Variants in FHIP1B observed in about 807,000 individuals in gnomAD.
FHIP1B encodes the protein FHF complex subunit HOOK interacting protein 1B.
A neutral mutation model predicts 82.2 loss-of-function variants in FHIP1B; 28 were observed. The ratio of observed to expected loss-of-function variants is 0.34; its 90% confidence interval spans 0.25 to 0.47. FHIP1B has a LOEUF of 0.47. Ranked by LOEUF, FHIP1B falls within the 20% of genes least tolerant of loss-of-function variation. The probability of loss-of-function intolerance (pLI) is 1.00; values close to 1 mark genes in which losing one functional copy is unlikely to be tolerated. For synonymous variants in FHIP1B, 585 were observed against 516.1 expected, an observed-to-expected ratio of 1.13 and a Z score of -1.81; for missense variants, 1,110 against 1,262.6, an observed-to-expected ratio of 0.88 and a Z score of 1.83.
chr11:6,226,803 G>A (rs570822076), intron 1 of FHIP1B, among the ~76,000 whole-genome samples: 1 of 152,096 alleles, frequency 6.6e-6, no homozygotes, highest in South Asian at 2.1e-4. Flanking sequence ...AAACAAAGGA[G>A]GTTTTTAAAC....
In FHIP1B at chr11:6,217,909, A is replaced by G. The variant is rs11040809; in HGVS notation, c.1677T>C (p.Arg559=). 363,503 of 1,612,654 alleles carry G rather than the reference A, an allele frequency of 0.23. 44,682 individuals carry two copies. Among genetic ancestry groups the G allele is most frequent in the Non-Finnish European group, 0.25 (296,340 of 1,179,950 alleles). ...DNYLEYLREA[R]RGVDRCVRAC... ...CTCGGACACAGCGGTCCACACCACG[A>G]CGTGCCTCACGCAGATACTCCAGGT... Residue 559 remains arginine, a synonymous_variant, in exon 9 of 12, where the codon CGT becomes CGC. Transcript: ENST00000449352.
intron 9 of FHIP1B, 59 bp downstream of exon 9, chr11:6,217,312 A>G: frequency 2.6e-6 from 4 of 1,510,838 alleles, no homozygotes; most frequent in Non-Finnish European, 3.7e-6. Context: ...AACCAGCACA[A>G]ACATGTCGAG....
intron 11 of FHIP1B, among the ~76,000 whole-genome samples, chr11:6,212,437 C>G (rs1847098990): frequency 6.6e-6 from 1 of 152,192 alleles, no homozygotes; most frequent in South Asian, 2.1e-4. Context: ...AATTATAGTT[C>G]AGTGACAATT....
chr11:6,213,448 T>C (rs965042812), intron 11 of FHIP1B, among the ~76,000 whole-genome samples: 10 of 152,226 alleles, frequency 6.6e-5, no homozygotes, highest in African/African-American at 2.4e-4. Context: ...AATCTTTTTC[T>C]ATTGCTCTCA....
chr11:6,230,384 T>C lies in FHIP1B; in HGVS notation c.-192+4160A>G, dbSNP rs115438808. Among the ~76,000 whole-genome samples, 797 of 152,348 alleles carry C rather than the reference T, an allele frequency of 5.2e-3. 13 individuals are homozygous for C. The highest frequency in any genetic ancestry group is 0.018 in the African/African-American group (752 of 41,586). ...TAATTACTGACATAAGGAGGATGAA[T>C]GGGCTGTTACCCTAAATACTGGAAG... On this transcript the variant is annotated intron_variant, in intron 1 of 11. Transcript: ENST00000449352.
intron 1 of FHIP1B, among the ~76,000 whole-genome samples, chr11:6,230,741 A>G (rs1278399537): frequency 6.6e-6 from 1 of 152,236 alleles, no homozygotes; most frequent in Non-Finnish European, 1.5e-5. Flanking sequence ...AGAGATGTCA[A>G]AAAGGAGGTG....
chr11:6,232,818 T>C (rs955522741), intron 1 of FHIP1B, among the ~76,000 whole-genome samples: 16 of 152,280 alleles, frequency 1.1e-4, no homozygotes, highest in African/African-American at 3.4e-4. Context: ...AAATTAAAAA[T>C]TGGGTTGACA....
chr11:6,228,393 G>A (rs1847618020), intron 1 of FHIP1B, among the ~76,000 whole-genome samples: 1 of 152,136 alleles, frequency 6.6e-6, no homozygotes, highest in African/African-American at 2.4e-5. Flanking sequence ...TTGTGGTAAG[G>A]GGAGTCAAGA....
chr11:6,211,982 GAAATGGA>G, intron 11 of FHIP1B, 115 bp from the exon 12 acceptor site: 2 of 1,432,932 alleles, frequency 1.4e-6, no homozygotes, highest in South Asian at 3.4e-5. Flanking sequence ...GGGTTCTGAG[GAAATGGA>G]AAAAAGGACA....
At chr11:6,214,034 GAA>G (rs59502569) in intron 11 of FHIP1B, among the ~76,000 whole-genome samples, 704 of 36,626 alleles carry the variant, frequency 0.019, 2 homozygotes, top group African/African-American at 0.063. Flanking sequence ...GACCTCTCCT[GAA>G]AAAAAAAAAA....
intron 8 of FHIP1B, 92 bp downstream of exon 8, chr11:6,218,508 C>G: frequency 3.2e-6 from 5 of 1,561,830 alleles, no homozygotes; most frequent in Non-Finnish European, 4.4e-6. Flanking sequence ...ACCTTCCTCC[C>G]CTTCACCCCA....
chr11:6,222,359 G>A, intron 6 of FHIP1B, 83 bp downstream of exon 6: 1 of 1,461,024 alleles, frequency 6.8e-7, no homozygotes, highest in Non-Finnish European at 9.5e-7. Context: ...GGCAAAAGAA[G>A]GGCAGGAATA....
intron 10 of FHIP1B, 49 bp downstream of exon 10, chr11:6,214,684 T>G: frequency 6.5e-7 from 1 of 1,544,994 alleles, no homozygotes; most frequent in Non-Finnish European, 8.8e-7. Context: ...GCTGCGGGCC[T>G]GGCCCACCAC....
At chr11:6,218,533 C>T (rs373113703) in intron 8 of FHIP1B, 67 bp downstream of exon 8, 107 of 1,600,164 alleles carry the variant, frequency 6.7e-5, no homozygotes, top group African/African-American at 2.1e-4. Flanking sequence ...CTCCTTGCTA[C>T]GCTCCCCCAG....
At chr11:6,215,741 C>T (rs1053913892) in intron 9 of FHIP1B, among the ~76,000 whole-genome samples, 1 of 152,218 alleles carries the variant, frequency 6.6e-6, no homozygotes, top group Non-Finnish European at 1.5e-5. Flanking sequence ...ACTGGGAAAA[C>T]TGACCTCAGC....
chr11:6,216,215 G>A (rs2133792152), intron 9 of FHIP1B, among the ~76,000 whole-genome samples: 1 of 152,384 alleles, frequency 6.6e-6, no homozygotes. Context: ...AGAGGGAATT[G>A]GCACAACTCC....
chr11:6,216,182 T>TA (rs1428804349), intron 9 of FHIP1B, among the ~76,000 whole-genome samples: 1 of 152,240 alleles, frequency 6.6e-6, no homozygotes, highest in Non-Finnish European at 1.5e-5. Flanking sequence ...AATGGAAAGA[T>TA]AGATTTTCTG....
At chr11:6,226,849 A>G (rs1847578292) in intron 1 of FHIP1B, among the ~76,000 whole-genome samples, 1 of 152,258 alleles carries the variant, frequency 6.6e-6, no homozygotes, top group South Asian at 2.1e-4. Context: ...CTTCAAAAAT[A>G]CATCAGGTAA....
Position 6,212,339 on chromosome 11 carries a change from T to G in FHIP1B, c.2558-472A>C, listed in dbSNP as rs78118957. 1.9e-3 allele frequency among the ~76,000 whole-genome samples: 283 copies of G among 152,302 alleles called. 1 individual carries two copies. The highest frequency in any genetic ancestry group is 5.4e-3 in the Admixed American group (82 of 15,292). On this transcript the variant is annotated intron_variant, in intron 11 of 11. Coordinates refer to ENST00000449352, the MANE Select transcript of FHIP1B (RefSeq NM_001098794.2). ...CATGCTTCCCATCACCCTTCCGAAC[T>G]AGTCAACCACTTCCCTCTTCCCCAG...
Sources: allele counts gnomAD v4.1 joint callset (sites outside exome capture counted in the v4.1 genomes callset), GRCh38; gene constraint gnomAD v4.1.1; transcripts MANE v1.5; gene names NCBI Gene and HGNC (gene_info 2026-07-23, HGNC 2026-07-21).